Variants in TIRAP observed in about 807,000 individuals in gnomAD.
The protein encoded by TIRAP is toll/interleukin-1 receptor domain-containing adapter protein.
TIRAP carries 20 observed loss-of-function variants against 19.8 expected under a neutral mutation model. The ratio of observed to expected loss-of-function variants is 1.01; its 90% CI spans 0.71 to 1.47. The LOEUF (loss-of-function observed/expected upper bound fraction) is 1.47, where lower values mean the gene tolerates loss of function less well. Among genes scored for constraint, TIRAP ranks in the 40% most tolerant of loss-of-function variants. The pLI, the probability that TIRAP is intolerant of heterozygous loss-of-function variation, is 0.00. For synonymous variants in TIRAP, 125 were observed against 121.7 expected (o/e 1.03, Z -0.18); for missense variants, 276 against 285.1 (o/e 0.97, Z 0.23).
At position 126,290,827 on chromosome 11, in the gene TIRAP, C is replaced by G; in HGVS notation, c.-68C>G. On this transcript the variant is annotated 5_prime_UTR_variant, in exon 3 of 5. Coordinates refer to ENST00000392679, the MANE Select transcript of TIRAP (RefSeq NM_001318777.2). This position sits in a 1 kb window ranked among gnomAD's most constrained non-coding sequence, Gnocchi z 4.9. The stretch of plus-strand genomic sequence containing the variant: ...GGATGGCTGCTCCATGAGGTCAAGA[C>G]TGGGTCTCCTCCCTCCTCCCCCTTC... The G allele has an allele frequency of 1.3e-6, 2 of 1,543,296 alleles. No individual in the cohort carries two copies. The highest frequency in any genetic ancestry group is 1.4e-5 in the African/African-American group (1 of 72,526).
In TIRAP at chr11:126,294,746, A is replaced by C. The variant is rs565039182; in HGVS notation, c.*1059A>C. ...CATGACCCCTCTTTTGCTGAAAAAA[A>C]TTTTTATTATTTTTTCTATCTCTAG... On this transcript the variant is annotated 3_prime_UTR_variant, in exon 5 of 5. Transcript: ENST00000392679. 3.5e-6 allele frequency: 1 copy of C among 288,638 alleles called. No individual in the cohort carries two copies. Among genetic ancestry groups the C allele is most frequent in the African/African-American group, 2.2e-5 (1 of 44,880 alleles). The allele number at this position is 288,638 out of a possible 1,614,324, so 17.9% of individuals were successfully genotyped here.
In TIRAP at chr11:126,294,920, AC is replaced by A. The variant is rs533690245; in HGVS notation, c.*1236del. On this transcript the variant is annotated 3_prime_UTR_variant, in exon 5 of 5. Transcript: ENST00000392679. ...AGACTAGCCTGGCCAATATGGTGAA[AC>A]CCTGTCTCTACTAAAAAAACAAAAA... 28 of 168,536 alleles carry A rather than the reference AC, an allele frequency of 1.7e-4. No individual in the cohort carries two copies. The highest frequency in any genetic ancestry group is 3.3e-4 in the Non-Finnish European group (26 of 77,702). 10.4% of individuals were successfully genotyped at this position (168,536 alleles called of 1,614,324 possible). A position where few individuals can be genotyped will look rare whatever the true frequency, so the allele number is the denominator to read the frequency against.
At chr11:126,292,044 G>A (rs1410546723) in intron 3 of TIRAP, among the ~76,000 whole-genome samples, 4 of 151,960 alleles carry the variant, frequency 2.6e-5, no homozygotes, top group East Asian at 1.9e-4. Flanking sequence ...AGTGGCTCAC[G>A]CCTGTAATCC....
intron 1 of TIRAP, among the ~76,000 whole-genome samples, chr11:126,285,568 A>G (rs1457792249): frequency 6.6e-6 from 1 of 151,730 alleles, no homozygotes; most frequent in Non-Finnish European, 1.5e-5. Context: ...CCCTGGATAT[A>G]TATTTTTAAA....
rs1454863605 is a variant in TIRAP at position 126,292,941 on chromosome 11, C to T, written c.532C>T (p.Leu178=). The T allele has an allele frequency of 6.2e-7, 1 of 1,613,986 alleles. No individual in the cohort carries two copies. Among genetic ancestry groups the T allele is most frequent in the Non-Finnish European group, 8.5e-7 (1 of 1,179,976 alleles). ...AGGGGCCGAGGGCTGCACCATCCCC[C>T]TGCTGTCGGGCCTCAGCAGAGCTGC... is the stretch of plus-strand genomic sequence containing the variant. ...APGAEGCTIP[L]LSGLSRAAYP... The change falls in exon 4 of 5, where the codon CTG becomes TTG. Residue 178 remains leucine (L), a synonymous_variant. Coordinates refer to ENST00000392679, the MANE Select transcript of TIRAP (RefSeq NM_001318777.2).
chr11:126,289,267 T>C (rs552753664), intron 1 of TIRAP, among the ~76,000 whole-genome samples: 2 of 152,344 alleles, frequency 1.3e-5, no homozygotes, highest in East Asian at 1.9e-4. Flanking sequence ...ATGTGCAGCA[T>C]AGAATGACAT....
chr11:126,293,621 A>T, intron 4 of TIRAP, 47 bp from the exon 5 acceptor site: 1 of 1,609,762 alleles, frequency 6.2e-7, no homozygotes. Context: ...GGGAAAACAG[A>T]TGCTGGGTTT....
At chr11:126,289,701 C>G in intron 1 of TIRAP, 1 of 985,458 alleles carries the variant, frequency 1.0e-6, no homozygotes, top group Non-Finnish European at 1.2e-6. Flanking sequence ...GCCAGTTGCT[C>G]TGCCAGCCTT....
In TIRAP at chr11:126,288,758, AC is replaced by A. The variant is rs1951349399; in HGVS notation, c.-216-1703del. 6.6e-6 allele frequency among the ~76,000 whole-genome samples: 1 copy of A among 152,212 alleles called. No individual in the cohort carries two copies. The highest frequency in any genetic ancestry group is 1.5e-5 in the Non-Finnish European group (1 of 68,052). On this transcript the variant is annotated intron_variant, in intron 1 of 4. Transcript: ENST00000392679. The surrounding 1 kb of genome is among the most constrained non-coding windows in gnomAD (Gnocchi z 5.0). Reference sequence around the variant, plus strand: ...TCATTTCATAAAATGAGAAACTGAAACTTTAAAATCTACATATATTAAGTAG... The same window carrying A: ...TCATTTCATAAAATGAGAAACTGAAATTTAAAATCTACATATATTAAGTAG...
Position 126,291,010 on chromosome 11 carries a change from T to G in TIRAP, c.67+49T>G. On this transcript the variant is annotated intron_variant, in intron 3 of 4. Coordinates refer to ENST00000392679, the MANE Select transcript of TIRAP (RefSeq NM_001318777.2). This position sits in a 1 kb window ranked among gnomAD's most constrained non-coding sequence, Gnocchi z 5.6. Reference sequence around the variant, plus strand: ...TCTGCTGTGTTCCTGAGTGTAGTGCTCAGCCTCCATAGGGCGCGGTGGGAG... The same window carrying G: ...TCTGCTGTGTTCCTGAGTGTAGTGCGCAGCCTCCATAGGGCGCGGTGGGAG... 6.4e-7 allele frequency: 1 copy of G among 1,567,274 alleles called. No individual in the cohort carries two copies. The highest frequency in any genetic ancestry group is 8.7e-7 in the Non-Finnish European group (1 of 1,155,440).
At position 126,291,981 on chromosome 11, in the gene TIRAP, G is replaced by A; in HGVS notation, c.68-496G>A. The stretch of plus-strand genomic sequence containing the variant: ...CGTCCAAAACCTTTACCTTTAGAGG[G>A]CACTTTTAGGCAAGTCCCAAAAGAT... On this transcript the variant is annotated intron_variant, in intron 3 of 4. Coordinates refer to ENST00000392679, the MANE Select transcript of TIRAP (RefSeq NM_001318777.2). The surrounding 1 kb of genome is among the most constrained non-coding windows in gnomAD (Gnocchi z 5.6). Among the ~76,000 whole-genome samples the A allele has an allele frequency of 6.6e-6, 1 of 151,940 alleles. No individual in the cohort carries two copies. The highest frequency in any genetic ancestry group is 2.1e-4 in the South Asian group (1 of 4,814).
In TIRAP at chr11:126,292,984, G is replaced by A. The variant is rs759467034; in HGVS notation, c.575G>A (p.Arg192Gln). The A allele has an allele frequency of 4.0e-5, 64 of 1,614,046 alleles. 1 individual carries two copies. Among genetic ancestry groups the A allele is most frequent in the East Asian group, 6.7e-5 (3 of 44,898 alleles). The part of the protein sequence containing the change: ...LSRAAYPPEL[R>Q]FMYYVDGRGP... ...AGAGCTGCCTACCCACCTGAGCTCC[G>A]ATTCATGTACTACGTCGATGGCAGG... Residue 192 changes from arginine (R) to glutamine (Q), a missense_variant, in exon 4 of 5, where the codon CGA (arginine) becomes CAA (glutamine). By Grantham distance (43) the Arg-to-Gln change is conservative (BLOSUM62 1). Transcript: ENST00000392679.
intron 4 of TIRAP, chr11:126,293,425 C>CGA (rs1429963470): frequency 1.4e-6 from 1 of 709,192 alleles, no homozygotes; most frequent in Non-Finnish European, 2.6e-6. Context: ...TTAGGTTTCT[C>CGA]TGAGATCAGG....
intron 4 of TIRAP, chr11:126,293,267 T>C: frequency 1.2e-6 from 1 of 856,594 alleles, no homozygotes. Context: ...GTTTCCTCAC[T>C]GACCAACAGG....
rs952441894 is a variant in TIRAP at position 126,288,818 on chromosome 11, A to G, written c.-216-1644A>G. Among the ~76,000 whole-genome samples, 2 of 152,244 alleles carry G rather than the reference A, an allele frequency of 1.3e-5. No homozygotes were observed. Among genetic ancestry groups the G allele is most frequent in the African/African-American group, 4.8e-5 (2 of 41,456 alleles). ...ATTATGTTAATTTTTAACCTTTAGA[A>G]TATTTACAAATCAAATGATGCTCTA... is the stretch of plus-strand genomic sequence containing the variant. On this transcript the variant is annotated intron_variant, in intron 1 of 4. Coordinates refer to ENST00000392679, the MANE Select transcript of TIRAP (RefSeq NM_001318777.2). This position sits in a 1 kb window ranked among gnomAD's most constrained non-coding sequence, Gnocchi z 5.0.
At position 126,291,473 on chromosome 11, in the gene TIRAP, C is replaced by T. The variant is rs1180245923; in HGVS notation, c.67+512C>T. On this transcript the variant is annotated intron_variant, in intron 3 of 4. Transcript: ENST00000392679. This position sits in a 1 kb window ranked among gnomAD's most constrained non-coding sequence, Gnocchi z 5.6. ...AAGAAGCCCAAGAAGAGGCCCGGCTCCCTGACATACCTGACACTGCATTAT... is the reference window on the plus strand; with the variant it reads ...AAGAAGCCCAAGAAGAGGCCCGGCTTCCTGACATACCTGACACTGCATTAT... The T allele has an allele frequency of 1.6e-6, 2 of 1,240,022 alleles. No individual in the cohort carries two copies. Among genetic ancestry groups the T allele is most frequent in the Non-Finnish European group, 2.1e-6 (2 of 931,776 alleles). 76.8% of individuals were successfully genotyped at this position (1,240,022 alleles called of 1,614,324 possible).
intron 3 of TIRAP, among the ~76,000 whole-genome samples, chr11:126,292,093 C>G (rs1014640084): frequency 5.3e-5 from 8 of 151,892 alleles, no homozygotes; most frequent in African/African-American, 1.9e-4. Context: ...ATCATGAGGT[C>G]AGAAGTTCAA....
rs1951446588 is a variant in TIRAP at position 126,294,343 on chromosome 11, C to T, written c.*656C>T. The T allele has an allele frequency of 5.6e-6, 2 of 357,012 alleles. No individual in the cohort carries two copies. The highest frequency in any genetic ancestry group is 1.1e-5 in the Non-Finnish European group (2 of 181,516). The allele number at this position is 357,012 out of a possible 1,614,324, so 22.1% of individuals were successfully genotyped here. On this transcript the variant is annotated 3_prime_UTR_variant, in exon 5 of 5. Coordinates refer to ENST00000392679, the MANE Select transcript of TIRAP (RefSeq NM_001318777.2). ...CTGCACTGTATTTTTTATTTATTGC[C>T]TAGGTGCCATTAAAGACACAAACCT...
In TIRAP at chr11:126,292,721, C is replaced by T. The variant is rs148714582; in HGVS notation, c.312C>T (p.Val104=). 409 of 1,613,602 alleles carry T rather than the reference C, an allele frequency of 2.5e-4. No individual in the cohort carries two copies. The highest frequency in any genetic ancestry group is 3.4e-4 in the Non-Finnish European group (403 of 1,179,792). Reference sequence around the variant, plus strand: ...ACCTGGTGGCCGCCCAGGACCTGGTCTCCTACTTGGAAGGCAGCACTGCCA... The same window carrying T: ...ACCTGGTGGCCGCCCAGGACCTGGTTTCCTACTTGGAAGGCAGCACTGCCA... ...EEDLVAAQDL[V]SYLEGSTASL... The change falls in exon 4 of 5, where the codon GTC becomes GTT. Residue 104 remains valine, a synonymous_variant. Transcript: ENST00000392679.
Sources: gnomAD v4.1 joint callset for allele counts (sites outside exome capture counted in the v4.1 genomes callset) on GRCh38, gnomAD v4.1.1 for gene constraint, Gnocchi (gnomAD v3.1) non-coding constraint, MANE v1.5 for transcripts, NCBI Gene and HGNC (gene_info 2026-07-23, HGNC 2026-07-21) for gene names.